The following PCDHGB4 variants were observed in gnomAD, a reference collection of about 807,000 sequenced individuals.
PCDHGB4 encodes protocadherin gamma-B4.
PCDHGB4 carries 38 observed loss-of-function variants against 60.5 expected under a neutral mutation model. The ratio of observed to expected loss-of-function variants is 0.63; its 90% CI spans 0.48 to 0.82. The LOEUF (loss-of-function observed/expected upper bound fraction) is 0.82, where lower values mean the gene tolerates loss of function less well. Among genes scored for constraint, PCDHGB4 ranks in the 40% least tolerant of loss-of-function variants. PCDHGB4 has a pLI of 0.00. For missense variants in PCDHGB4, 1,109 were observed against 1,209.6 expected, an observed-to-expected ratio of 0.92 and a Z score of 1.23; for synonymous variants, 456 against 509.7, an observed-to-expected ratio of 0.89 and a Z score of 1.42.
chr5:141,461,639 C>T (rs1041604977), intron 1 of PCDHGB4, among the ~76,000 whole-genome samples: 12 of 152,088 alleles, frequency 7.9e-5, no homozygotes, highest in Non-Finnish European at 1.6e-4. Flanking sequence ...GCAATTTCTT[C>T]TTTGACCCAT....
At chr5:141,474,754 T>C (rs1351752958) in intron 1 of PCDHGB4, among the ~76,000 whole-genome samples, 4 of 152,228 alleles carry the variant, frequency 2.6e-5, no homozygotes, top group Non-Finnish European at 4.4e-5. Flanking sequence ...CCAAGACAAA[T>C]ATACAGAAAT....
At chr5:141,460,983 G>GTGTA (rs1554142949) in intron 1 of PCDHGB4, among the ~76,000 whole-genome samples, 1,579 of 137,794 alleles carry the variant, frequency 0.011, 39 homozygotes, top group African/African-American at 0.038. Context: ...GTGTGTGTGT[G>GTGTA]TATATATATA....
chr5:141,475,106 G>T (rs1182368610), intron 1 of PCDHGB4, among the ~76,000 whole-genome samples: 6 of 152,220 alleles, frequency 3.9e-5, no homozygotes, highest in Admixed American at 2.0e-4. Context: ...ATCCTAGGTG[G>T]TAAATAGGCC....
chr5:141,487,718 A>G lies in PCDHGB4; in HGVS notation c.2398-7089A>G. Reference sequence around the variant, plus strand: ...TACTGGCCTCTCAGTAAGTGCCCATAGTGATGTCACCATTTTTGTAAGAGG... The same window carrying G: ...TACTGGCCTCTCAGTAAGTGCCCATGGTGATGTCACCATTTTTGTAAGAGG... On this transcript the variant is annotated intron_variant, in intron 1 of 3. Coordinates refer to ENST00000519479, the MANE Select transcript of PCDHGB4 (RefSeq NM_003736.4). The surrounding 1 kb of genome is among the most constrained non-coding windows in gnomAD (Gnocchi z 5.0). The G allele has an allele frequency of 1.3e-6, 2 of 1,580,268 alleles. No individual in the cohort carries two copies. The highest frequency in any genetic ancestry group is 1.7e-6 in the Non-Finnish European group (2 of 1,161,186).
intron 1 of PCDHGB4, chr5:141,423,386 G>T: frequency 6.2e-7 from 1 of 1,614,160 alleles, no homozygotes; most frequent in Middle Eastern, 1.7e-4. Flanking sequence ...CTGTGGCGCT[G>T]GCATAAGTCA....
Position 141,431,363 on chromosome 5 carries a change from C to A in PCDHGB4, c.2397+41082C>A. ...ATTGGTGCTGAAACGCGCCCTGGAC[C>A]GCGAAGAAAAGGCTGCTCACCACCT... On this transcript the variant is annotated intron_variant, in intron 1 of 3. Transcript: ENST00000519479. The surrounding 1 kb of genome is among the most constrained non-coding windows in gnomAD (Gnocchi z 4.8). 1 of 1,614,024 alleles carries A rather than the reference C, an allele frequency of 6.2e-7. No homozygotes were observed. Among genetic ancestry groups the A allele is most frequent in the Non-Finnish European group, 8.5e-7 (1 of 1,180,028 alleles).
At chr5:141,488,208 C>T (rs2099672939) in intron 1 of PCDHGB4, among the ~76,000 whole-genome samples, 1 of 152,152 alleles carries the variant, frequency 6.6e-6, no homozygotes, top group African/African-American at 2.4e-5. Flanking sequence ...GGACTCATAT[C>T]AAGTCCCTAC....
intron 3 of PCDHGB4, among the ~76,000 whole-genome samples, chr5:141,510,208 G>A (rs560746333): frequency 2.0e-5 from 3 of 151,866 alleles, no homozygotes; most frequent in Admixed American, 1.3e-4. Context: ...AGGAGGCAGA[G>A]GTTGCAGTGA....
At position 141,491,251 on chromosome 5, in the gene PCDHGB4, C is replaced by A; in HGVS notation, c.2398-3556C>A. On this transcript the variant is annotated intron_variant, in intron 1 of 3. Coordinates refer to ENST00000519479, the MANE Select transcript of PCDHGB4 (RefSeq NM_003736.4). This position sits in a 1 kb window ranked among gnomAD's most constrained non-coding sequence, Gnocchi z 6.9. ...GCTGCTGGTTCTGGAGGATGAGGAC[C>A]CTGAGGAAATGCCCAAATCCAGTGA... 6.2e-7 allele frequency: 1 copy of A among 1,614,144 alleles called. No homozygotes were observed. Among genetic ancestry groups the A allele is most frequent in the Non-Finnish European group, 8.5e-7 (1 of 1,180,016 alleles).
Position 141,388,677 on chromosome 5 carries a change from A to G in PCDHGB4, c.793A>G (p.Thr265Ala), listed in dbSNP as rs369048942. 2.1e-5 allele frequency: 34 copies of G among 1,613,854 alleles called. 1 individual carries two copies. Among genetic ancestry groups the G allele is most frequent in the African/African-American group, 2.7e-5 (2 of 74,914 alleles). ...CCCGGGGACCACGGTGCTACAGGTGACTGCCACGGACCAGGATGAGGGTGT... is the reference window on the plus strand; with the variant it reads ...CCCGGGGACCACGGTGCTACAGGTGGCTGCCACGGACCAGGATGAGGGTGT... Reference protein sequence around the residue: ...VYPGTTVLQVTATDQDEGVNA... With the variant: ...VYPGTTVLQVAATDQDEGVNA... Residue 265 changes from threonine (T) to alanine (A), a missense_variant, in exon 1 of 4, where the codon ACT (threonine) becomes GCT (alanine). By Grantham distance (58) the Thr-to-Ala change is moderately conservative. Around this residue, in one of 2 missense-constraint regions of PCDHGB4, gnomAD observed 1,068 missense variants for 1,089.9 expected, o/e 0.98. Transcript: ENST00000519479.
At position 141,491,456 on chromosome 5, in the gene PCDHGB4, C is replaced by G; in HGVS notation, c.2398-3351C>G. On this transcript the variant is annotated intron_variant, in intron 1 of 3. Transcript: ENST00000519479. The surrounding 1 kb of genome is among the most constrained non-coding windows in gnomAD (Gnocchi z 6.9). Reference sequence around the variant, plus strand: ...TGCAGGCGCCAGGACTCACCCTCCCCGGACTTCTATAAGCAGTCCAGCCCC... The same window carrying G: ...TGCAGGCGCCAGGACTCACCCTCCCGGGACTTCTATAAGCAGTCCAGCCCC... 1 of 1,614,104 alleles carries G rather than the reference C, an allele frequency of 6.2e-7. No homozygotes were observed. The highest frequency in any genetic ancestry group is 8.5e-7 in the Non-Finnish European group (1 of 1,180,010).
At chr5:141,415,647 A>C in intron 1 of PCDHGB4, 2 of 1,599,602 alleles carry the variant, frequency 1.3e-6, no homozygotes, top group Non-Finnish European at 1.7e-6. Context: ...TTGTTAAAAA[A>C]AAAAAGATTG....
intron 2 of PCDHGB4, among the ~76,000 whole-genome samples, chr5:141,501,290 T>TACACACACACACAC (rs55762287): frequency 7.3e-6 from 1 of 136,164 alleles, no homozygotes; most frequent in Non-Finnish European, 1.6e-5. Context: ...TATTCCCTTA[T>TACACACACACACAC]ACACACACAC....
Position 141,511,030 on chromosome 5 carries a change from C to A in PCDHGB4, c.2629C>A (p.Gln877Lys). 9 of 1,614,224 alleles carry A rather than the reference C, an allele frequency of 5.6e-6. No individual in the cohort carries two copies. Among genetic ancestry groups the A allele is most frequent in the Non-Finnish European group, 7.6e-6 (9 of 1,180,032 alleles). Residue 877 changes from glutamine (Q) to lysine (K), a missense_variant, in exon 4 of 4, where the codon CAG (glutamine) becomes AAG (lysine). Transcript: ENST00000519479. ...SARYGPQFTLQHVPDYRQNVY... is the reference protein window; with the variant it reads ...SARYGPQFTLKHVPDYRQNVY... ...CCGCTACGGACCCCAGTTCACCCTGCAGCACGTGCCCGACTACCGCCAGAA... is the reference window on the plus strand; with the variant it reads ...CCGCTACGGACCCCAGTTCACCCTGAAGCACGTGCCCGACTACCGCCAGAA...
intron 1 of PCDHGB4, chr5:141,409,008 A>G (rs2095209237): frequency 6.2e-7 from 1 of 1,613,898 alleles, no homozygotes; most frequent in African/African-American, 1.3e-5. Context: ...GCCACTGACC[A>G]GGATGAGGGG....
chr5:141,418,954 T>C (rs1490406390), intron 1 of PCDHGB4: 2 of 1,613,914 alleles, frequency 1.2e-6, no homozygotes, highest in Admixed American at 1.7e-5. Flanking sequence ...CAGGAGTGGT[T>C]GTTGCCCTCT....
chr5:141,442,697 G>C (rs1443734141), intron 1 of PCDHGB4, among the ~76,000 whole-genome samples: 2 of 152,258 alleles, frequency 1.3e-5, no homozygotes, highest in East Asian at 1.9e-4. Flanking sequence ...AGGCAGACAA[G>C]AGTATCAGAC....
chr5:141,431,554 C>A lies in PCDHGB4; in HGVS notation c.2397+41273C>A, dbSNP rs766242338. On this transcript the variant is annotated intron_variant, in intron 1 of 3. Coordinates refer to ENST00000519479, the MANE Select transcript of PCDHGB4 (RefSeq NM_003736.4). The surrounding 1 kb of genome is among the most constrained non-coding windows in gnomAD (Gnocchi z 4.8). ...TGGGCACGCAGCTGCTTGTAGTCAA[C>A]GCTACCGACCCTGACGAAGGAGTCA... 1.2e-6 allele frequency: 2 copies of A among 1,614,008 alleles called. No individual in the cohort carries two copies. Among genetic ancestry groups the A allele is most frequent in the African/African-American group, 1.3e-5 (1 of 74,942 alleles).
At position 141,493,666 on chromosome 5, in the gene PCDHGB4, C is replaced by T. The variant is rs1475584876; in HGVS notation, c.2398-1141C>T. On this transcript the variant is annotated intron_variant, in intron 1 of 3. Transcript: ENST00000519479. The surrounding 1 kb of genome is among the most constrained non-coding windows in gnomAD (Gnocchi z 4.3). ...GCCATCCCTGTGCCCTTCTCCATGG[C>T]AGCCCCAGAATGGTGCTGGTGACTC... 6.6e-6 allele frequency among the ~76,000 whole-genome samples: 1 copy of T among 152,176 alleles called. No individual in the cohort carries two copies. The highest frequency in any genetic ancestry group is 1.5e-5 in the Non-Finnish European group (1 of 68,028).
Sources: gnomAD v4.1 joint callset for allele counts (sites outside exome capture counted in the v4.1 genomes callset) on GRCh38, gnomAD v4.1.1 for gene constraint, gnomAD v4.1.1 regional missense constraint, Gnocchi (gnomAD v3.1) non-coding constraint, MANE v1.5 for transcripts, NCBI Gene and HGNC (gene_info 2026-07-23, HGNC 2026-07-21) for gene names.